Variants in ZBTB20 observed in about 807,000 individuals in gnomAD.
The protein encoded by ZBTB20 is zinc finger and BTB domain containing 20.
A neutral mutation model predicts 56.9 loss-of-function variants in ZBTB20; 9 were observed. The ratio of observed to expected loss-of-function variants is 0.16; its 90% CI spans 0.10 to 0.28. The LOEUF is 0.28. Ranked by LOEUF, ZBTB20 falls within the 10% of genes least tolerant of loss-of-function variation. ZBTB20 has a pLI of 1.00. For missense variants in ZBTB20, 655 were observed against 1,003.0 expected, an observed-to-expected ratio of 0.65 and a Z score of 4.69; for synonymous variants, 417 against 420.7, an observed-to-expected ratio of 0.99 and a Z score of 0.11.
At chr3:114,954,552 G>C (rs949663496) in intron 3 of ZBTB20, among the ~76,000 whole-genome samples, 2 of 152,076 alleles carry the variant, frequency 1.3e-5, no homozygotes, top group Admixed American at 6.5e-5. Flanking sequence ...TGGTACTATG[G>C]TATGGATTAG....
At position 114,865,914 on chromosome 3, in the gene ZBTB20, C is replaced by T. The variant is rs564063164; in HGVS notation, c.-417+34390G>A. ...AAGTACAGATAAGTTAACTAACTTGCCTAAAGCCTTCTGGTGAATGAGATA... is the reference window on the plus strand; with the variant it reads ...AAGTACAGATAAGTTAACTAACTTGTCTAAAGCCTTCTGGTGAATGAGATA... On this transcript the variant is annotated intron_variant, in intron 4 of 11. Transcript: ENST00000675478. Among the ~76,000 whole-genome samples, 7 of 152,284 alleles carry T rather than the reference C, an allele frequency of 4.6e-5. No individual in the cohort carries two copies. In the South Asian group the frequency reaches 1.2e-3, roughly 27 times the overall value.
At chr3:114,786,162 C>T (rs2070471235) in intron 5 of ZBTB20, among the ~76,000 whole-genome samples, 1 of 151,546 alleles carries the variant, frequency 6.6e-6, no homozygotes, top group South Asian at 2.1e-4. Flanking sequence ...TATTATTATA[C>T]TTTAAGTTCT....
intron 10 of ZBTB20, among the ~76,000 whole-genome samples, chr3:114,371,168 C>A (rs1370581992): frequency 2.0e-5 from 3 of 152,200 alleles, no homozygotes; most frequent in Non-Finnish European, 4.4e-5. Context: ...CATACCTAGT[C>A]CTGATGCCTC....
intron 5 of ZBTB20, among the ~76,000 whole-genome samples, chr3:114,797,629 T>C (rs1464380199): frequency 6.6e-6 from 1 of 151,978 alleles, no homozygotes; most frequent in Non-Finnish European, 1.5e-5. Flanking sequence ...TATTTTGTTA[T>C]AGGAGGCACA....
At chr3:114,943,285 G>A (rs2076779158) in intron 3 of ZBTB20, among the ~76,000 whole-genome samples, 1 of 145,110 alleles carries the variant, frequency 6.9e-6, no homozygotes, top group South Asian at 2.1e-4. Context: ...TCTGTGAGGA[G>A]AAAATTAAAT....
At chr3:115,104,050 T>G (rs977296677) in intron 1 of ZBTB20, among the ~76,000 whole-genome samples, 7 of 152,154 alleles carry the variant, frequency 4.6e-5, no homozygotes, top group African/African-American at 1.7e-4. Context: ...ACTTTAACAG[T>G]GACCTCACCA....
intron 4 of ZBTB20, among the ~76,000 whole-genome samples, chr3:114,846,402 T>C (rs1401169140): frequency 6.6e-6 from 1 of 152,198 alleles, no homozygotes; most frequent in Non-Finnish European, 1.5e-5. Context: ...ATAGGTGAGC[T>C]TGTGTTTGAT....
At chr3:114,509,783 T>C (rs973286735) in intron 6 of ZBTB20, among the ~76,000 whole-genome samples, 8 of 152,190 alleles carry the variant, frequency 5.3e-5, no homozygotes, top group South Asian at 2.1e-4. Flanking sequence ...CATTGGTTCC[T>C]GGCTCCTTGT....
chr3:114,898,217 G>A (rs1288119036), intron 4 of ZBTB20, among the ~76,000 whole-genome samples: 3 of 152,048 alleles, frequency 2.0e-5, no homozygotes, highest in African/African-American at 7.2e-5. Context: ...CAGGAAAGAC[G>A]AGGCATTAAC....
intron 4 of ZBTB20, among the ~76,000 whole-genome samples, chr3:114,864,951 A>T (rs2107509384): frequency 6.6e-6 from 1 of 152,106 alleles, no homozygotes; most frequent in Middle Eastern, 3.4e-3. Flanking sequence ...CTCAAATAAA[A>T]TTTTTTTGGA....
intron 6 of ZBTB20, among the ~76,000 whole-genome samples, chr3:114,512,286 T>A (rs1466540485): frequency 7.5e-6 from 1 of 133,348 alleles, no homozygotes; most frequent in African/African-American, 3.2e-5. Context: ...ATCTTGAGAG[T>A]TGGTTAAGAT....
intron 2 of ZBTB20, among the ~76,000 whole-genome samples, chr3:115,064,452 T>C (rs1406277707): frequency 1.4e-5 from 2 of 142,812 alleles, no homozygotes; most frequent in Non-Finnish European, 3.1e-5. Context: ...TCTTTTTTTT[T>C]TTTTTTTTTT....
chr3:114,576,759 TA>T (rs2054107823), intron 6 of ZBTB20, among the ~76,000 whole-genome samples: 1 of 147,418 alleles, frequency 6.8e-6, no homozygotes, highest in Non-Finnish European at 1.5e-5. Flanking sequence ...GCTAGATTGA[TA>T]AAAGCTAAAA....
chr3:114,812,203 C>G (rs1201946665), intron 4 of ZBTB20, among the ~76,000 whole-genome samples: 1 of 152,156 alleles, frequency 6.6e-6, no homozygotes, highest in Non-Finnish European at 1.5e-5. Context: ...CTTTCATTCT[C>G]TTATCTGGCG....
intron 2 of ZBTB20, among the ~76,000 whole-genome samples, chr3:115,008,120 A>C (rs1472348174): frequency 6.6e-6 from 1 of 151,888 alleles, no homozygotes; most frequent in East Asian, 1.9e-4. Context: ...TCCTGCCCTT[A>C]TCACAGCTCT....
chr3:114,773,683 A>G (rs2069378293), intron 5 of ZBTB20, among the ~76,000 whole-genome samples: 1 of 152,160 alleles, frequency 6.6e-6, no homozygotes, highest in African/African-American at 2.4e-5. Flanking sequence ...AAAATCTGAA[A>G]AGAGCTTGAA....
At chr3:114,843,345 C>A (rs1392435390) in intron 4 of ZBTB20, among the ~76,000 whole-genome samples, 1 of 152,106 alleles carries the variant, frequency 6.6e-6, no homozygotes, top group Non-Finnish European at 1.5e-5. Flanking sequence ...AAGGAAAGAA[C>A]TATAAGTACC....
intron 6 of ZBTB20, among the ~76,000 whole-genome samples, chr3:114,690,632 C>G (rs57770318): frequency 0.059 from 9,000 of 152,120 alleles, 843 homozygotes; most frequent in African/African-American, 0.2. Flanking sequence ...CAGAGAGCAC[C>G]CTTTGTTATA....
chr3:115,027,657 A>G (rs2080480824), intron 2 of ZBTB20: 1 of 150,998 alleles, frequency 6.6e-6, no homozygotes. Flanking sequence ...AGTCATATGG[A>G]AGACAATGCA....
Sources: allele counts gnomAD v4.1 joint callset (sites outside exome capture counted in the v4.1 genomes callset), GRCh38; gene constraint gnomAD v4.1.1; transcripts MANE v1.5; gene names NCBI Gene and HGNC (gene_info 2026-07-23, HGNC 2026-07-21).